The following COL4A6 variants were observed in gnomAD, a reference collection of about 807,000 sequenced individuals.
The protein encoded by COL4A6 is collagen type IV alpha 6 chain, also known as collagen alpha-6(IV) chain.
Under a neutral mutation model 126.7 loss-of-function variants are expected in COL4A6, and 59 were observed. That is an observed-to-expected ratio of 0.47 (90% CI 0.38 to 0.58). The LOEUF (loss-of-function observed/expected upper bound fraction) is 0.58. COL4A6 is among the 20% of genes least tolerant of loss of function. The probability of loss-of-function intolerance (pLI) is 0.00; values close to 1 mark genes in which losing one functional copy is unlikely to be tolerated. For synonymous variants in COL4A6, 547 were observed against 496.6 expected (o/e 1.10, Z -1.35); for missense variants, 1,285 against 1,337.3 (o/e 0.96, Z 0.61).
intron 2 of COL4A6, among the ~76,000 whole-genome samples, chrX:108,385,875 AC>A (rs1195578531): frequency 4.2e-5 from 4 of 95,448 alleles, no homozygotes; most frequent in Non-Finnish European, 8.3e-5. Context: ...CTAGACCCCT[AC>A]CCCCCCAAAA....
chrX:108,343,165 A>ATATCTATAGTGT (rs1377817612), intron 2 of COL4A6, among the ~76,000 whole-genome samples: 1 of 31,414 alleles, frequency 3.2e-5, no homozygotes, highest in African/African-American at 9.1e-5. Context: ...ATATATATAT[A>ATATCTATAGTGT]GTGTGTGTGT....
chrX:108,169,462 ACT>A (rs772107211), intron 37 of COL4A6, 31 bp downstream of exon 37: 1 of 1,208,164 alleles, frequency 8.3e-7, no homozygotes, highest in East Asian at 3.0e-5. Flanking sequence ...GCAAGGCCTC[ACT>A]CAGCCTCTAC....
chrX:108,399,949 A>G (rs2041050427), intron 2 of COL4A6, among the ~76,000 whole-genome samples: 1 of 111,336 alleles, frequency 9.0e-6, no homozygotes, highest in Admixed American at 9.5e-5. Context: ...TAGTGCCTGA[A>G]AGCCATTCTA....
chrX:108,415,825 C>A (rs1271522762), intron 2 of COL4A6, among the ~76,000 whole-genome samples: 2 of 112,070 alleles, frequency 1.8e-5, no homozygotes, highest in African/African-American at 6.5e-5. Context: ...AAGGTTTATG[C>A]AAAGGAGATC....
Position 108,438,346 on chromosome X carries a change from A to G in COL4A6, c.-150T>C. The stretch of plus-strand genomic sequence containing the variant: ...TGGCCCAGTTTGGAAGAAACTAAAC[A>G]CTGCTTCTAGATAAGAAGTGCTCCA... On this transcript the variant is annotated 5_prime_UTR_variant, in exon 1 of 45. Transcript: ENST00000334504. 1 of 1,076,957 alleles carries G rather than the reference A, an allele frequency of 9.3e-7. No homozygotes were observed. Among genetic ancestry groups the G allele is most frequent in the Non-Finnish European group, 1.2e-6 (1 of 831,638 alleles). 88.8% of individuals were successfully genotyped at this position (1,076,957 alleles called of 1,213,427 possible). A position where few individuals can be genotyped will look rare whatever the true frequency, so the allele number is the denominator to read the frequency against.
At chrX:108,262,710 C>T (rs575835242) in intron 3 of COL4A6, among the ~76,000 whole-genome samples, 57 of 110,855 alleles carry the variant, frequency 5.1e-4, no homozygotes, top group African/African-American at 1.6e-3. Context: ...GAAATTATAT[C>T]TTTACCAGTT....
Position 108,164,657 on chromosome X carries a change from C to A in COL4A6, c.4012G>T (p.Val1338Phe). ...AATCCTGGGTCTCCAGGTGGCCCAA[C>A]CTTGCCTGGAGTCCCCATGAAGCCA... is the stretch of plus-strand genomic sequence containing the variant. The part of the protein sequence containing the change: ...EPGFMGTPGK[V>F]GPPGDPGFPG... Residue 1338 changes from valine (V) to phenylalanine (F), a missense_variant, in exon 40 of 45, where the codon GTT becomes TTT. Physicochemically the swap from Val to Phe is conservative, Grantham distance 50. Transcript: ENST00000334504. 1 of 1,211,855 alleles carries A rather than the reference C, an allele frequency of 8.3e-7. No homozygotes were observed. Among genetic ancestry groups the A allele is most frequent in the Non-Finnish European group, 1.1e-6 (1 of 895,521 alleles).
intron 43 of COL4A6, 92 bp downstream of exon 43, chrX:108,160,371 T>C: frequency 1.1e-6 from 1 of 898,038 alleles, no homozygotes; most frequent in African/African-American, 2.0e-5. Context: ...TACACAACAG[T>C]GGACCTAGAA....
intron 2 of COL4A6, among the ~76,000 whole-genome samples, chrX:108,359,463 G>A (rs990383640): frequency 4.4e-5 from 5 of 112,706 alleles, no homozygotes; most frequent in Non-Finnish European, 9.4e-5. Context: ...GGTAATGAAG[G>A]ATAACTGTCT....
chrX:108,167,724 G>A (rs768524942), intron 37 of COL4A6, among the ~76,000 whole-genome samples: 4 of 111,259 alleles, frequency 3.6e-5, no homozygotes, highest in African/African-American at 1.3e-4. Flanking sequence ...GGGTGGGGTG[G>A]GGCGTGGTAT....
At chrX:108,402,064 T>C (rs73253681) in intron 2 of COL4A6, among the ~76,000 whole-genome samples, 42 of 111,379 alleles carry the variant, frequency 3.8e-4, no homozygotes, top group Non-Finnish European at 7.4e-4. Flanking sequence ...AACTGGCCAG[T>C]AATTTTCCTT....
intron 3 of COL4A6, among the ~76,000 whole-genome samples, chrX:108,293,967 A>G (rs2038244114): frequency 8.9e-6 from 1 of 112,360 alleles, no homozygotes; most frequent in Admixed American, 9.4e-5. Context: ...TCTAGGCCAT[A>G]TAACTTGACA....
intron 27 of COL4A6, 73 bp from the exon 28 acceptor site, chrX:108,177,084 A>G: frequency 1.0e-6 from 1 of 983,573 alleles, no homozygotes; most frequent in Non-Finnish European, 1.4e-6. Context: ...CACTGCCTAT[A>G]TCATAGCTTC....
chrX:108,321,860 T>C (rs998169124), intron 2 of COL4A6, among the ~76,000 whole-genome samples: 1 of 111,154 alleles, frequency 9.0e-6, no homozygotes, highest in Non-Finnish European at 1.9e-5. Context: ...AGTTCACTTC[T>C]GTTATCTCAC....
At chrX:108,286,340 A>G (rs1380200731) in intron 3 of COL4A6, among the ~76,000 whole-genome samples, 1 of 112,231 alleles carries the variant, frequency 8.9e-6, no homozygotes, top group Non-Finnish European at 1.9e-5. Context: ...ATGCTATTCA[A>G]ACTGGATCAG....
rs192914663 is a variant in COL4A6, at chrX:108,259,471, C to T, written c.145-38097G>A. Among the ~76,000 whole-genome samples, 11 of 111,847 alleles carry T rather than the reference C, an allele frequency of 9.8e-5. No homozygotes were observed. The East Asian group carries it at 3.1e-3, about 32-fold the overall frequency. On this transcript the variant is annotated intron_variant, in intron 3 of 44. Transcript: ENST00000334504. ...CTACCAAACATCTAATGTACAAGTACTACTACATGGTGGGCTCAAGGCAGT... is the reference window on the plus strand; with the variant it reads ...CTACCAAACATCTAATGTACAAGTATTACTACATGGTGGGCTCAAGGCAGT...
At chrX:108,160,410 T>G in intron 43 of COL4A6, 53 bp downstream of exon 43, 1 of 1,108,133 alleles carries the variant, frequency 9.0e-7, no homozygotes, top group Non-Finnish European at 1.2e-6. Context: ...GGGTTGGCTG[T>G]TGGTGTTTGT....
At position 108,282,079 on chromosome X, in the gene COL4A6, C is replaced by G. The variant is rs973089452; in HGVS notation, c.144+28669G>C. Among the ~76,000 whole-genome samples, 77 of 110,882 alleles carry G rather than the reference C, an allele frequency of 6.9e-4. 2 individuals are homozygous for G. The South Asian group carries it at 0.023, about 33-fold the overall frequency. On this transcript the variant is annotated intron_variant, in intron 3 of 44. Coordinates refer to ENST00000334504, the MANE Select transcript of COL4A6 (RefSeq NM_033641.4). ...CCTAGGCATTACCATTCAGGACATACGCATGGGCAAAGACTTCATGTCTAA... is the reference window on the plus strand; with the variant it reads ...CCTAGGCATTACCATTCAGGACATAGGCATGGGCAAAGACTTCATGTCTAA...
intron 4 of COL4A6, 49 bp from the exon 5 acceptor site, chrX:108,219,791 T>G: frequency 9.7e-7 from 1 of 1,027,193 alleles, no homozygotes; most frequent in Non-Finnish European, 1.4e-6. Context: ...CCAACTGATG[T>G]TTGTTAGACT....
Sources: gnomAD v4.1 joint callset for allele counts (sites outside exome capture counted in the v4.1 genomes callset) on GRCh38, gnomAD v4.1.1 for gene constraint, MANE v1.5 for transcripts, NCBI Gene and HGNC (gene_info 2026-07-23, HGNC 2026-07-21) for gene names.